SCCPDH: variants seen among roughly 807,000 people sequenced by gnomAD.
SCCPDH encodes the protein saccharopine dehydrogenase (putative).
In SCCPDH, 34 loss-of-function variants were observed where a neutral mutation model predicts 51.5. That is an observed-to-expected ratio of 0.66 (90% confidence interval 0.50 to 0.88). SCCPDH has a LOEUF of 0.88. Among genes scored for constraint, SCCPDH ranks in the 40% least tolerant of loss-of-function variants. The pLI is 0.00. For synonymous variants in SCCPDH, 187 were observed against 191.3 expected, an observed-to-expected ratio of 0.98 and a Z score of 0.19; for missense variants, 464 against 527.1, an observed-to-expected ratio of 0.88 and a Z score of 1.17.
At chr1:246,766,032 T>G in intron 10 of SCCPDH, 26 bp from the exon 11 acceptor site, 1 of 1,528,998 alleles carries the variant, frequency 6.5e-7, no homozygotes, top group Non-Finnish European at 8.9e-7. Flanking sequence ...TTCCTTTCTT[T>G]TTCCCTGATC....
intron 3 of SCCPDH, among the ~76,000 whole-genome samples, chr1:246,738,813 A>G (rs949628022): frequency 3.3e-5 from 5 of 152,296 alleles, no homozygotes; most frequent in African/African-American, 7.2e-5. Flanking sequence ...AGTCTGCACC[A>G]TCGCACTCCA....
intron 3 of SCCPDH, among the ~76,000 whole-genome samples, chr1:246,739,075 GTGTA>G (rs926854073): frequency 3.3e-5 from 5 of 152,038 alleles, no homozygotes; most frequent in African/African-American, 1.2e-4. Context: ...GTGTGTGTTT[GTGTA>G]TGTGCATGAA....
Position 246,742,607 on chromosome 1 carries a change from G to A in SCCPDH, c.515-1469G>A, listed in dbSNP as rs539891198. On this transcript the variant is annotated intron_variant, in intron 4 of 11. Transcript: ENST00000366510. ...GATCTGCTTTTTATTTTTGTCTGTG[G>A]TCAGACTAACGACATTTATCTGGCT... 2.6e-5 allele frequency among the ~76,000 whole-genome samples: 4 copies of A among 152,282 alleles called. No homozygotes were observed. The South Asian group carries it at 8.3e-4, about 32-fold the overall frequency.
At chr1:246,728,052 A>T (rs1344395762) in intron 2 of SCCPDH, among the ~76,000 whole-genome samples, 4 of 139,380 alleles carry the variant, frequency 2.9e-5, no homozygotes, top group African/African-American at 1.0e-4. Flanking sequence ...TGGTGCTGAG[A>T]AGTAGTTAGG....
chr1:246,743,580 T>G (rs1161943262), intron 4 of SCCPDH, among the ~76,000 whole-genome samples: 1 of 145,852 alleles, frequency 6.9e-6, no homozygotes, highest in Non-Finnish European at 1.5e-5. Context: ...AGACTCTGTC[T>G]CAAAAAAAAA....
At chr1:246,745,505 G>C (rs1221472827) in intron 5 of SCCPDH, among the ~76,000 whole-genome samples, 2 of 152,192 alleles carry the variant, frequency 1.3e-5, no homozygotes, top group Non-Finnish European at 2.9e-5. Context: ...AGGATTCTAA[G>C]AATGGCGAAT....
intron 5 of SCCPDH, among the ~76,000 whole-genome samples, chr1:246,752,440 G>A (rs1414128877): frequency 6.6e-6 from 1 of 152,118 alleles, no homozygotes; most frequent in African/African-American, 2.4e-5. Flanking sequence ...GCACTAACCA[G>A]TATGACCCAT....
Position 246,764,368 on chromosome 1 carries a change from T to C in SCCPDH, c.1102+11T>C, listed in dbSNP as rs1406848861. 1.3e-6 allele frequency: 2 copies of C among 1,491,010 alleles called. No homozygotes were observed. Among genetic ancestry groups the C allele is most frequent in the East Asian group, 2.3e-5 (1 of 44,230 alleles). The allele number at this position is 1,491,010 out of a possible 1,614,324, so 92.4% of individuals were successfully genotyped here. ...AGGTGAAAGGACCAGGTATTTCACA[T>C]ATCACTTAAGAATGCTTGGGAATTT... On this transcript the variant is annotated intron_variant, in intron 10 of 11. Coordinates refer to ENST00000366510, the MANE Select transcript of SCCPDH (RefSeq NM_016002.3).
intron 4 of SCCPDH, among the ~76,000 whole-genome samples, chr1:246,743,187 A>G (rs1668705522): frequency 6.6e-6 from 1 of 151,820 alleles, no homozygotes; most frequent in African/African-American, 2.4e-5. Context: ...GCAGCCTTGA[A>G]CTCCTGGGCT....
rs148832254 is a variant in SCCPDH, at chr1:246,760,064, A to G, written c.921A>G (p.Gln307=). The stretch of plus-strand genomic sequence containing the variant: ...TTGTGAGGTTTGGAATTGGAAGGCA[A>G]CTTCTCATAAAAGTAAGTAAGATTT... ...LFFVRFGIGR[Q]LLIKFPWFFS... Residue 307 remains glutamine (Q), a synonymous_variant, in exon 8 of 12, where the codon CAA becomes CAG. Transcript: ENST00000366510. The G allele has an allele frequency of 2.6e-4, 411 of 1,611,762 alleles. No homozygotes were observed. The highest frequency in any genetic ancestry group is 2.9e-4 in the Non-Finnish European group (340 of 1,179,104).
Position 246,739,069 on chromosome 1 carries a change from GTGTT to G in SCCPDH, c.385-1099_385-1096del, listed in dbSNP as rs200208711. On this transcript the variant is annotated intron_variant, in intron 3 of 11. Coordinates refer to ENST00000366510, the MANE Select transcript of SCCPDH (RefSeq NM_016002.3). ...TGTGTGTGTGTGATTGTGTTCGTGT[GTGTT>G]TGTGTATGTGCATGAATGGGTGTGT... is the stretch of plus-strand genomic sequence containing the variant. Among the ~76,000 whole-genome samples, 725 of 152,224 alleles carry G rather than the reference GTGTT, an allele frequency of 4.8e-3. 2 individuals are homozygous for G. Among genetic ancestry groups the G allele is most frequent in the African/African-American group, 0.016 (676 of 41,530 alleles).
chr1:246,767,425 A>G lies in SCCPDH; in HGVS notation c.*125A>G, dbSNP rs576469145. 2.9e-5 allele frequency: 14 copies of G among 490,934 alleles called. No homozygotes were observed. Among genetic ancestry groups the G allele is most frequent in the Non-Finnish European group, 4.1e-5 (12 of 292,764 alleles). 30.4% of individuals were successfully genotyped at this position (490,934 alleles called of 1,614,324 possible). The stretch of plus-strand genomic sequence containing the variant: ...AACGATTGTCAAATCTAAAATATCT[A>G]TATATTAAAAAGTAGGAAATTGTCC... On this transcript the variant is annotated 3_prime_UTR_variant, in exon 12 of 12. Coordinates refer to ENST00000366510, the MANE Select transcript of SCCPDH (RefSeq NM_016002.3).
chr1:246,735,718 G>A (rs921742499), intron 2 of SCCPDH, among the ~76,000 whole-genome samples: 2 of 152,186 alleles, frequency 1.3e-5, no homozygotes, highest in Non-Finnish European at 2.9e-5. Context: ...TTTTAGTCGA[G>A]ATGGGGTTTC....
rs1396632535 is a variant in SCCPDH, at chr1:246,758,314, A to G, written c.653A>G (p.Asn218Ser). The stretch of plus-strand genomic sequence containing the variant: ...TTGAGAAAACTAAGAAATGTATCAA[A>G]TCTGAAACCTGTCCCGCTCATTGGT... ...SNLRKLRNVS[N>S]LKPVPLIGPK... The change falls in exon 6 of 12, where the codon AAT becomes AGT. Residue 218 changes from asparagine to serine, a missense_variant. Coordinates refer to ENST00000366510, the MANE Select transcript of SCCPDH (RefSeq NM_016002.3). The G allele has an allele frequency of 6.2e-7, 1 of 1,611,198 alleles. No individual in the cohort carries two copies. Among genetic ancestry groups the G allele is most frequent in the Non-Finnish European group, 8.5e-7 (1 of 1,178,960 alleles).
At position 246,726,910 on chromosome 1, in the gene SCCPDH, C is replaced by G. The variant is rs773055074; in HGVS notation, c.209C>G (p.Ser70Cys). 1 of 1,613,318 alleles carries G rather than the reference C, an allele frequency of 6.2e-7. No individual in the cohort carries two copies. Among genetic ancestry groups the G allele is most frequent in the Non-Finnish European group, 8.5e-7 (1 of 1,179,264 alleles). The change falls in exon 2 of 12, where the codon TCT becomes TGT. Residue 70 changes from serine to cysteine, a missense_variant. Transcript: ENST00000366510. The part of the protein sequence containing the change: ...ALKLGRPTLS[S>C]EVGIIICDIA... ...ATTTTAGGAAGACCAACACTGTCAT[C>G]TGAAGTTGGAATCATCATCTGTGAT... is the stretch of plus-strand genomic sequence containing the variant.
chr1:246,756,690 G>A (rs1391117779), intron 5 of SCCPDH, among the ~76,000 whole-genome samples: 1 of 152,136 alleles, frequency 6.6e-6, no homozygotes, highest in Non-Finnish European at 1.5e-5. Context: ...TAGTTCTGTT[G>A]TAGTTTTAAT....
intron 4 of SCCPDH, among the ~76,000 whole-genome samples, chr1:246,741,230 G>C (rs9426218): frequency 0.29 from 44,201 of 152,052 alleles, 7,980 homozygotes; most frequent in South Asian, 0.41. Context: ...TGAAACCAAA[G>C]TCCAACAAAG....
At chr1:246,746,604 G>A (rs1386670901) in intron 5 of SCCPDH, among the ~76,000 whole-genome samples, 1 of 152,184 alleles carries the variant, frequency 6.6e-6, no homozygotes, top group Non-Finnish European at 1.5e-5. Context: ...ACTTTGGGAG[G>A]CTGAGGCAGA....
intron 2 of SCCPDH, among the ~76,000 whole-genome samples, chr1:246,733,199 G>A (rs993597476): frequency 9.2e-5 from 14 of 152,004 alleles, no homozygotes; most frequent in African/African-American, 3.1e-4. Context: ...GGATCTTCCA[G>A]CCTCAGCCCT....
Sources: gnomAD v4.1 joint callset for allele counts (sites outside exome capture counted in the v4.1 genomes callset) on GRCh38, gnomAD v4.1.1 for gene constraint, MANE v1.5 for transcripts, NCBI Gene and HGNC (gene_info 2026-07-23, HGNC 2026-07-21) for gene names.